The following AK5 variants were observed in gnomAD, a reference collection of about 807,000 sequenced individuals.
AK5 encodes adenylate kinase 5.
In AK5, 27 loss-of-function variants were observed where a neutral mutation model predicts 69.5. The observed-to-expected ratio is 0.39, with a 90% confidence interval of 0.29 to 0.54. The LOEUF (loss-of-function observed/expected upper bound fraction) is 0.54. Among genes scored for constraint, AK5 ranks in the 20% least tolerant of loss-of-function variants. AK5 has a pLI of 0.71. For missense variants in AK5, 531 were observed against 700.4 expected (o/e 0.76, Z 2.73); for synonymous variants, 260 against 244.4 (o/e 1.06, Z -0.60).
At chr1:77,546,665 G>C (rs192140040) in intron 13 of AK5, among the ~76,000 whole-genome samples, 3 of 152,112 alleles carry the variant, frequency 2.0e-5, no homozygotes, top group African/African-American at 7.2e-5. Context: ...AGCTGAGATC[G>C]CGCCACTGCA....
Position 77,521,841 on chromosome 1 carries a change from G to A in AK5, c.1326G>A (p.Glu442=). 1.9e-6 allele frequency: 3 copies of A among 1,613,776 alleles called. No individual in the cohort carries two copies. The highest frequency in any genetic ancestry group is 2.5e-6 in the Non-Finnish European group (3 of 1,179,862). ...GDLVPSGIVL[E]LLKEAMVASL... is the part of the protein sequence containing the mutation. The stretch of plus-strand genomic sequence containing the variant: ...CTTTGCTCCAGGGCATCGTTTTGGA[G>A]CTCCTGAAGGAGGCCATGGTGGCCA... The change falls in exon 12 of 14, where the codon GAG becomes GAA. Residue 442 remains glutamate (E), a synonymous_variant. Transcript: ENST00000354567.
At chr1:77,527,733 C>T (rs1246206261) in intron 12 of AK5, among the ~76,000 whole-genome samples, 3 of 152,218 alleles carry the variant, frequency 2.0e-5, no homozygotes, top group African/African-American at 7.2e-5. Flanking sequence ...CAAGAGAACA[C>T]ATCCAGCCCT....
At chr1:77,455,761 C>T (rs1053089827) in intron 8 of AK5, among the ~76,000 whole-genome samples, 1 of 152,154 alleles carries the variant, frequency 6.6e-6, no homozygotes, top group Non-Finnish European at 1.5e-5. Context: ...GCTGTAAAAC[C>T]TCCCCACGTT....
chr1:77,328,480 T>C (rs1660920150), intron 5 of AK5, among the ~76,000 whole-genome samples: 1 of 151,512 alleles, frequency 6.6e-6, no homozygotes, highest in South Asian at 2.1e-4. Context: ...CAGGTGACAG[T>C]GTGAGACTCC....
intron 5 of AK5, among the ~76,000 whole-genome samples, chr1:77,323,807 A>AT: frequency 6.6e-6 from 1 of 152,210 alleles, no homozygotes; most frequent in South Asian, 2.1e-4. Flanking sequence ...GATAGATATA[A>AT]CACACACACA....
chr1:77,470,866 TATATATATA>T (rs1263285030), intron 8 of AK5, among the ~76,000 whole-genome samples: 1 of 3,412 alleles, frequency 2.9e-4, no homozygotes, highest in African/African-American at 7.5e-4. Context: ...TATATATATA[TATATATATA>T]TTTTTTTTTT....
intron 6 of AK5, among the ~76,000 whole-genome samples, chr1:77,372,180 C>A (rs1407621214): frequency 4.7e-5 from 7 of 149,248 alleles, no homozygotes; most frequent in Non-Finnish European, 4.5e-5. Flanking sequence ...AGATTTAAAA[C>A]AAAAAAAAAA....
chr1:77,308,150 G>C (rs1401313924), intron 5 of AK5, among the ~76,000 whole-genome samples: 1 of 152,132 alleles, frequency 6.6e-6, no homozygotes, highest in Non-Finnish European at 1.5e-5. Context: ...TGTTATCATG[G>C]AAGAAAGGAA....
At chr1:77,532,227 G>A (rs1215768056) in intron 12 of AK5, 1 of 155,608 alleles carries the variant, frequency 6.4e-6, no homozygotes, top group Non-Finnish European at 1.4e-5. Context: ...GGGCGCCAAG[G>A]CGGAGGAGGC....
chr1:77,480,380 T>C (rs1423512475), intron 8 of AK5, among the ~76,000 whole-genome samples: 2 of 152,154 alleles, frequency 1.3e-5, no homozygotes, highest in African/African-American at 4.8e-5. Context: ...TGTGAAACAT[T>C]TGAGCAAGTG....
intron 1 of AK5, 144 bp downstream of exon 1, chr1:77,282,517 C>A: frequency 1.5e-6 from 2 of 1,375,552 alleles, no homozygotes; most frequent in Non-Finnish European, 1.9e-6. Flanking sequence ...CCCGCTCCCC[C>A]GAGGGTAGTC....
chr1:77,417,795 T>C, intron 8 of AK5, 80 bp downstream of exon 8: 1 of 853,176 alleles, frequency 1.2e-6, no homozygotes, highest in East Asian at 2.6e-5. Context: ...AAATTTGAAT[T>C]ATAAAAACTC....
intron 13 of AK5, chr1:77,557,395 C>T (rs940313720): frequency 5.2e-6 from 1 of 190,962 alleles, no homozygotes; most frequent in African/African-American, 2.3e-5. Flanking sequence ...TGATGCATAC[C>T]ACCAGCATTT....
intron 6 of AK5, among the ~76,000 whole-genome samples, chr1:77,392,295 A>G (rs1238155444): frequency 1.3e-5 from 2 of 152,240 alleles, no homozygotes; most frequent in African/African-American, 4.8e-5. Flanking sequence ...ATGGAATGTG[A>G]AAGAGCCTCT....
intron 6 of AK5, among the ~76,000 whole-genome samples, chr1:77,345,145 T>A (rs1034683711): frequency 1.3e-5 from 2 of 152,214 alleles, no homozygotes; most frequent in East Asian, 1.9e-4. Context: ...AAAATGCTAC[T>A]GAATATTGGT....
intron 3 of AK5, among the ~76,000 whole-genome samples, chr1:77,295,511 A>G (rs917113661): frequency 3.9e-5 from 6 of 152,218 alleles, no homozygotes; most frequent in African/African-American, 1.4e-4. Flanking sequence ...ATAAACCTCT[A>G]TTCTTGCAAG....
At chr1:77,334,678 A>G (rs1450926531) in intron 5 of AK5, among the ~76,000 whole-genome samples, 1 of 150,124 alleles carries the variant, frequency 6.7e-6, no homozygotes, top group Non-Finnish European at 1.5e-5. Context: ...TTCTCTTTTC[A>G]TTTGTCTCTG....
chr1:77,336,757 G>A (rs1354885546), intron 5 of AK5, among the ~76,000 whole-genome samples: 2 of 152,088 alleles, frequency 1.3e-5, no homozygotes, highest in African/African-American at 2.4e-5. Flanking sequence ...CAGGTCTGGT[G>A]TTGATGAAAT....
Position 77,293,957 on chromosome 1 carries a change from A to G in AK5, c.412A>G (p.Ile138Val), listed in dbSNP as rs1207174856. ...TRPRPKIILV[I>V]GGPGSGKGTQ... ...ACCTCGACCAAAAATCATTCTTGTT[A>G]TAGGTATGAGGACAGAAAGCAAAAA... The change falls in exon 3 of 14, where the codon ATA (isoleucine) becomes GTA (valine). Residue 138 changes from isoleucine (I) to valine (V), a missense_variant. Physicochemically the swap from Ile to Val is conservative, Grantham distance 29. Transcript: ENST00000354567. 1.2e-6 allele frequency: 2 copies of G among 1,610,964 alleles called. No homozygotes were observed. The highest frequency in any genetic ancestry group is 2.7e-5 in the African/African-American group (2 of 74,768).
Sources: gnomAD v4.1 joint callset for allele counts (sites outside exome capture counted in the v4.1 genomes callset) on GRCh38, gnomAD v4.1.1 for gene constraint, MANE v1.5 for transcripts, NCBI Gene and HGNC (gene_info 2026-07-23, HGNC 2026-07-21) for gene names.